The following DNAJC25 variants were observed in gnomAD, a reference collection of about 807,000 sequenced individuals.
DNAJC25 encodes the protein DnaJ heat shock protein family (Hsp40) member C25, also known as dnaJ homolog subfamily C member 25.
DNAJC25 carries 26 observed loss-of-function variants against 42.1 expected under a neutral mutation model. The ratio of observed to expected loss-of-function variants is 0.62; its 90% CI spans 0.45 to 0.86. The LOEUF (loss-of-function observed/expected upper bound fraction) is 0.86, where lower values mean the gene tolerates loss of function less well. DNAJC25 is among the 40% of genes least tolerant of loss of function. The pLI is 0.00. For missense variants in DNAJC25, 404 were observed against 459.4 expected, an observed-to-expected ratio of 0.88 and a Z score of 1.10; for synonymous variants, 189 against 179.9, an observed-to-expected ratio of 1.05 and a Z score of -0.40.
At chr9:111,648,222 T>G (rs1830595962) in intron 2 of DNAJC25, among the ~76,000 whole-genome samples, 1 of 152,126 alleles carries the variant, frequency 6.6e-6, no homozygotes, top group East Asian at 1.9e-4. Flanking sequence ...AATCTGCTTG[T>G]TTGAAAATTA....
chr9:111,647,128 T>G lies in DNAJC25; in HGVS notation c.358T>G (p.Tyr120Asp). Reference sequence around the variant, plus strand: ...ACAGGATGAAGAAACACGAAAAGATTATGATTACATGCTGGATCATCCAGA... The same window carrying G: ...ACAGGATGAAGAAACACGAAAAGATGATGATTACATGCTGGATCATCCAGA... ...TLKDEETRKDYDYMLDHPEEY... is the reference protein window; with the variant it reads ...TLKDEETRKDDDYMLDHPEEY... The change falls in exon 2 of 4, where the codon TAT becomes GAT. Residue 120 changes from tyrosine (Y) to aspartate (D), a missense_variant. Tyr to Asp is a radical substitution (Grantham distance 160). Transcript: ENST00000313525. The G allele has an allele frequency of 6.2e-7, 1 of 1,613,912 alleles. No homozygotes were observed. Among genetic ancestry groups the G allele is most frequent in the Non-Finnish European group, 8.5e-7 (1 of 1,179,922 alleles).
intron 3 of DNAJC25, among the ~76,000 whole-genome samples, chr9:111,651,580 CA>C (rs1830661972): frequency 6.6e-6 from 1 of 152,020 alleles, no homozygotes; most frequent in Admixed American, 6.6e-5. Flanking sequence ...CTTTAGTTGA[CA>C]GCATTAAAAG....
intron 1 of DNAJC25, among the ~76,000 whole-genome samples, chr9:111,640,177 C>T (rs1311325325): frequency 6.6e-6 from 1 of 151,670 alleles, no homozygotes; most frequent in Non-Finnish European, 1.5e-5. Context: ...ATCCGCCAAC[C>T]TCGGCCTCCC....
intron 3 of DNAJC25, among the ~76,000 whole-genome samples, chr9:111,652,242 G>T (rs1589349832): frequency 6.6e-6 from 1 of 152,162 alleles, no homozygotes; most frequent in African/African-American, 2.4e-5. Context: ...GGGTGCAGTG[G>T]CTCACGCCTG....
At chr9:111,636,243 A>G (rs2131256303) in intron 1 of DNAJC25, among the ~76,000 whole-genome samples, 1 of 152,306 alleles carries the variant, frequency 6.6e-6, no homozygotes, top group African/African-American at 2.4e-5. Flanking sequence ...AAACTTGATC[A>G]ACAGAAACAT....
rs1321689138 is a variant in DNAJC25 at position 111,654,097 on chromosome 9, A to G, written c.*875A>G. The stretch of plus-strand genomic sequence containing the variant: ...TCTATTATGAAGTCCTTGAGTGGTG[A>G]AAAATCCGTTGTACATGAGAACATT... On this transcript the variant is annotated 3_prime_UTR_variant, in exon 4 of 4. Coordinates refer to ENST00000313525, the MANE Select transcript of DNAJC25 (RefSeq NM_001015882.3). 1 of 152,176 alleles carries G rather than the reference A, an allele frequency of 6.6e-6. No individual in the cohort carries two copies. Among genetic ancestry groups the G allele is most frequent in the Non-Finnish European group, 1.5e-5 (1 of 68,026 alleles). The allele number at this position is 152,176 out of a possible 1,614,324, so 9.4% of individuals were successfully genotyped here.
At chr9:111,641,489 G>T (rs1424299087) in intron 1 of DNAJC25, among the ~76,000 whole-genome samples, 1 of 90,610 alleles carries the variant, frequency 1.1e-5, no homozygotes, top group Non-Finnish European at 2.1e-5. Flanking sequence ...GAAGTGAGGA[G>T]CCCCTCTGCC....
At position 111,654,223 on chromosome 9, in the gene DNAJC25, T is replaced by G. The variant is rs1365106843; in HGVS notation, c.*1001T>G. 6.6e-6 allele frequency: 1 copy of G among 152,222 alleles called. No homozygotes were observed. Among genetic ancestry groups the G allele is most frequent in the Non-Finnish European group, 1.5e-5 (1 of 68,034 alleles). The allele number at this position is 152,222 out of a possible 1,614,324, so 9.4% of individuals were successfully genotyped here. ...TGTGGCAGTGCAAGTAAATAACACA[T>G]TATTTGACTGAATCAGGCATGATAC... On this transcript the variant is annotated 3_prime_UTR_variant, in exon 4 of 4. Transcript: ENST00000313525.
At position 111,653,012 on chromosome 9, in the gene DNAJC25, T is replaced by A. The variant is rs1005743443; in HGVS notation, c.961-88T>A. 19 of 1,345,308 alleles carry A rather than the reference T, an allele frequency of 1.4e-5. No homozygotes were observed. In the African/African-American group the frequency reaches 2.5e-4, roughly 18 times the overall value. The allele number at this position is 1,345,308 out of a possible 1,614,324, so 83.3% of individuals were successfully genotyped here. A position where few individuals can be genotyped will look rare whatever the true frequency, so the allele number is the denominator to read the frequency against. ...TCACTGGAAACTTTTTACCTAACAT[T>A]ATGTTAGAAAAATGTAAATATGCCA... On this transcript the variant is annotated intron_variant, in intron 3 of 3. Transcript: ENST00000313525.
At chr9:111,653,024 A>T in intron 3 of DNAJC25, 76 bp from the exon 4 acceptor site, 1 of 1,386,710 alleles carries the variant, frequency 7.2e-7, no homozygotes, top group Non-Finnish European at 9.4e-7. Flanking sequence ...TGTTAGAAAA[A>T]TGTAAATATG....
chr9:111,639,897 GCTCTCCCTCTCCCTCTCCCTCTCC>G (rs796321552), intron 1 of DNAJC25, among the ~76,000 whole-genome samples: 6 of 131,764 alleles, frequency 4.6e-5, no homozygotes, highest in African/African-American at 1.8e-4. Flanking sequence ...GCAAGGAGGA[GCTCTCCCTCTCCCTCTCCCTCTCC>G]CTCTCCCTCT....
In DNAJC25 at chr9:111,653,277, T is replaced by G; in HGVS notation, c.*55T>G. ...TTAATTGTGATATTATTTTCATAAC[T>G]GAATTATTTTAGAAATGTATCAATT... is the stretch of plus-strand genomic sequence containing the variant. On this transcript the variant is annotated 3_prime_UTR_variant, in exon 4 of 4. Transcript: ENST00000313525. 7.1e-7 allele frequency: 1 copy of G among 1,416,708 alleles called. No individual in the cohort carries two copies. The highest frequency in any genetic ancestry group is 2.6e-5 in the East Asian group (1 of 38,844). 87.8% of individuals were successfully genotyped at this position (1,416,708 alleles called of 1,614,324 possible).
chr9:111,647,531 G>T (rs1830585461), intron 2 of DNAJC25, among the ~76,000 whole-genome samples: 1 of 152,178 alleles, frequency 6.6e-6, no homozygotes, highest in Non-Finnish European at 1.5e-5. Flanking sequence ...TAGCCAGAGT[G>T]AACGTCAGCT....
intron 1 of DNAJC25, among the ~76,000 whole-genome samples, chr9:111,644,391 T>C (rs1439454977): frequency 6.6e-6 from 1 of 152,192 alleles, no homozygotes; most frequent in East Asian, 1.9e-4. Flanking sequence ...GTAAAGTCAA[T>C]AATCTAGAAA....
At chr9:111,651,909 T>C (rs533099694) in intron 3 of DNAJC25, among the ~76,000 whole-genome samples, 17 of 151,922 alleles carry the variant, frequency 1.1e-4, no homozygotes, top group African/African-American at 3.9e-4. Context: ...GTTTTAACTC[T>C]GTGGTTTATT....
rs1415175341 is a variant in DNAJC25, at chr9:111,642,051, C to T, written c.337-5056C>T. 2.9e-3 allele frequency among the ~76,000 whole-genome samples: 312 copies of T among 107,688 alleles called. No individual in the cohort carries two copies. The East Asian group carries it at 0.044, about 15-fold the overall frequency. 70.6% of individuals were successfully genotyped at this position (107,688 alleles called of 152,430 possible). A position where few individuals can be genotyped will look rare whatever the true frequency, so the allele number is the denominator to read the frequency against. On this transcript the variant is annotated intron_variant, in intron 1 of 3. Transcript: ENST00000313525. ...GAGGTGAGGGGCGCCTCTGCCCGGC[C>T]GCCCCTACTGGGAAGTGAGGAGCCC...
At chr9:111,650,201 A>T (rs144170223) in intron 3 of DNAJC25, among the ~76,000 whole-genome samples, 220 of 152,148 alleles carry the variant, frequency 1.4e-3, no homozygotes, top group African/African-American at 5.0e-3. Flanking sequence ...AATGATATGC[A>T]TGTTTGCAAG....
Position 111,653,477 on chromosome 9 carries a change from T to G in DNAJC25, c.*255T>G. ...CACATGAAGATTTATTAGTTGCCAT[T>G]TAAAATTTTTATATGTTTAGTTAAA... On this transcript the variant is annotated 3_prime_UTR_variant, in exon 4 of 4. Coordinates refer to ENST00000313525, the MANE Select transcript of DNAJC25 (RefSeq NM_001015882.3). 3.4e-6 allele frequency: 1 copy of G among 290,770 alleles called. No individual in the cohort carries two copies. The highest frequency in any genetic ancestry group is 6.0e-6 in the Non-Finnish European group (1 of 167,622). The allele number at this position is 290,770 out of a possible 1,614,324, so 18.0% of individuals were successfully genotyped here. A position where few individuals can be genotyped will look rare whatever the true frequency, so the allele number is the denominator to read the frequency against.
chr9:111,649,924 G>T lies in DNAJC25; in HGVS notation c.960+1G>T, dbSNP rs761442968. 1.3e-6 allele frequency: 2 copies of T among 1,559,210 alleles called. No homozygotes were observed. Among genetic ancestry groups the T allele is most frequent in the South Asian group, 1.3e-5 (1 of 79,684 alleles). ...GCTCTGGATCAAGGAGAATTATGAGGTGAGTAGTCACCCTGCTGTGATTTA... is the reference window on the plus strand; with the variant it reads ...GCTCTGGATCAAGGAGAATTATGAGTTGAGTAGTCACCCTGCTGTGATTTA... On this transcript the variant is annotated splice_donor_variant, in intron 3 of 3. Transcript: ENST00000313525. LOFTEE classifies it high-confidence loss of function.
Sources: allele counts gnomAD v4.1 joint callset (sites outside exome capture counted in the v4.1 genomes callset), GRCh38; gene constraint gnomAD v4.1.1; transcripts MANE v1.5; gene names NCBI Gene and HGNC (gene_info 2026-07-23, HGNC 2026-07-21).